The following DGKI variants were observed in gnomAD, a reference collection of about 807,000 sequenced individuals.
The protein encoded by DGKI is diacylglycerol kinase iota.
A neutral mutation model predicts 147.5 loss-of-function variants in DGKI; 55 were observed. The observed-to-expected ratio is 0.37, with a 90% CI of 0.30 to 0.47. The LOEUF (loss-of-function observed/expected upper bound fraction) is 0.47, where lower values mean the gene tolerates loss of function less well. DGKI is among the 20% of genes least tolerant of loss of function. DGKI has a pLI of 1.00. For synonymous variants in DGKI, 469 were observed against 477.1 expected (o/e 0.98, Z 0.22); for missense variants, 1,007 against 1,323.8 (o/e 0.76, Z 3.71).
intron 21 of DGKI, among the ~76,000 whole-genome samples, chr7:137,512,042 G>A (rs1296694223): frequency 2.6e-5 from 4 of 152,118 alleles, no homozygotes; most frequent in Admixed American, 2.6e-4. Flanking sequence ...TCCGTCTTGG[G>A]AAATCCTCAA....
chr7:137,779,149 T>G (rs1796445660), intron 1 of DGKI, among the ~76,000 whole-genome samples: 3 of 152,072 alleles, frequency 2.0e-5, no homozygotes, highest in Admixed American at 2.0e-4. Context: ...AAAAATAGAT[T>G]AACAGAACAG....
At chr7:137,578,165 T>C in intron 16 of DGKI, 105 bp downstream of exon 16, 1 of 725,050 alleles carries the variant, frequency 1.4e-6, no homozygotes, top group South Asian at 1.7e-5. Flanking sequence ...CATATATAAA[T>C]GAGATGTATA....
intron 20 of DGKI, among the ~76,000 whole-genome samples, chr7:137,536,761 C>G (rs1473979250): frequency 6.6e-6 from 1 of 152,090 alleles, no homozygotes; most frequent in Non-Finnish European, 1.5e-5. Flanking sequence ...AGAGGGGTTG[C>G]AGAATAAGGA....
rs761012573 is a variant in DGKI at position 137,689,951 on chromosome 7, G to A, written c.453C>T (p.Leu151=). Residue 151 remains leucine, a synonymous_variant, in exon 2 of 33, where the codon CTC becomes CTT. Transcript: ENST00000614521. ...CTGGACCATTTGCCACAGGAAGGCTGAGGGGATGTGCAGGAGCCAGATGCT... is the reference window on the plus strand; with the variant it reads ...CTGGACCATTTGCCACAGGAAGGCTAAGGGGATGTGCAGGAGCCAGATGCT... ...GLQHLAPAHP[L]SLPVANGPAK... The A allele has an allele frequency of 1.9e-6, 3 of 1,610,244 alleles. No homozygotes were observed. Among genetic ancestry groups the A allele is most frequent in the African/African-American group, 1.3e-5 (1 of 74,738 alleles).
At chr7:137,596,523 T>C (rs747794771) in intron 12 of DGKI, among the ~76,000 whole-genome samples, 1 of 152,264 alleles carries the variant, frequency 6.6e-6, no homozygotes, top group South Asian at 2.1e-4. Context: ...CTAAAATCAA[T>C]TGAAATTGGT....
chr7:137,655,557 T>G (rs1163978174), intron 4 of DGKI, among the ~76,000 whole-genome samples: 1 of 152,188 alleles, frequency 6.6e-6, no homozygotes, highest in Non-Finnish European at 1.5e-5. Flanking sequence ...GGAGGTCTCC[T>G]AGTAGGCACA....
At chr7:137,612,310 C>G (rs1401493194) in intron 8 of DGKI, among the ~76,000 whole-genome samples, 3 of 145,282 alleles carry the variant, frequency 2.1e-5, no homozygotes, top group Non-Finnish European at 4.5e-5. Flanking sequence ...AGGCCTTCTT[C>G]ACTTCACAGA....
chr7:137,422,159 C>T (rs1021154624), intron 28 of DGKI, among the ~76,000 whole-genome samples: 1 of 152,116 alleles, frequency 6.6e-6, no homozygotes, highest in African/African-American at 2.4e-5. Context: ...AAGCAAACTT[C>T]GTGGGTGAAT....
At chr7:137,597,102 A>G (rs545244664) in intron 12 of DGKI, among the ~76,000 whole-genome samples, 64 of 152,348 alleles carry the variant, frequency 4.2e-4, no homozygotes, top group Admixed American at 1.2e-3. Context: ...ATTAACCTTC[A>G]GCCCAATTCC....
At chr7:137,408,769 A>ATGG (rs1812056839) in intron 29 of DGKI, among the ~76,000 whole-genome samples, 1 of 152,228 alleles carries the variant, frequency 6.6e-6, no homozygotes, top group Admixed American at 6.5e-5. Context: ...ACATGAGGAT[A>ATGG]TGGTCTAAGT....
chr7:137,558,411 C>A (rs2077174740), intron 19 of DGKI, among the ~76,000 whole-genome samples: 1 of 152,160 alleles, frequency 6.6e-6, no homozygotes, highest in African/African-American at 2.4e-5. Flanking sequence ...GTAGCTGGGA[C>A]TACAGGTGCA....
At chr7:137,681,449 T>A (rs1823233694) in intron 2 of DGKI, among the ~76,000 whole-genome samples, 1 of 152,206 alleles carries the variant, frequency 6.6e-6, no homozygotes, top group Non-Finnish European at 1.5e-5. Flanking sequence ...CCTGAAGACA[T>A]CAATCCACAC....
In DGKI at chr7:137,466,948, G is replaced by A; in HGVS notation, c.2444-6C>T. Reference sequence around the variant, plus strand: ...AAAGCGATCAGCAGAAGTTGCTAGGGGAAAAAAAATGCAGATGGCATTCAG... The same window carrying A: ...AAAGCGATCAGCAGAAGTTGCTAGGAGAAAAAAAATGCAGATGGCATTCAG... On this transcript the variant is annotated splice_region_variant and splice_polypyrimidine_tract_variant and intron_variant, in intron 24 of 32. Coordinates refer to ENST00000614521, the MANE Select transcript of DGKI (RefSeq NM_001321708.2). The A allele has an allele frequency of 6.2e-7, 1 of 1,613,672 alleles. No individual in the cohort carries two copies. The highest frequency in any genetic ancestry group is 8.5e-7 in the Non-Finnish European group (1 of 1,179,814).
intron 1 of DGKI, among the ~76,000 whole-genome samples, chr7:137,756,926 CCTT>C (rs1795703267): frequency 6.6e-6 from 1 of 152,168 alleles, no homozygotes; most frequent in Admixed American, 6.5e-5. Context: ...TATTTATCTG[CCTT>C]CTTCTCTCAA....
intron 1 of DGKI, among the ~76,000 whole-genome samples, chr7:137,815,082 A>C (rs1797700759): frequency 6.6e-6 from 1 of 152,128 alleles, no homozygotes; most frequent in African/African-American, 2.4e-5. Context: ...AAAACTAAAT[A>C]ATATTGACCT....
In DGKI at chr7:137,385,664, T is replaced by C. The variant is rs993842174; in HGVS notation, c.*5556A>G. On this transcript the variant is annotated 3_prime_UTR_variant, in exon 33 of 33. Transcript: ENST00000614521. ...GTCTTAGCTTTCATTTTAATAGTGTTTCTAAGTCTTGTTTTAAAATCTTAG... is the reference window on the plus strand; with the variant it reads ...GTCTTAGCTTTCATTTTAATAGTGTCTCTAAGTCTTGTTTTAAAATCTTAG... The C allele has an allele frequency of 6.6e-6, 1 of 152,190 alleles. No individual in the cohort carries two copies. Among genetic ancestry groups the C allele is most frequent in the African/African-American group, 2.4e-5 (1 of 41,466 alleles). 9.4% of individuals were successfully genotyped at this position (152,190 alleles called of 1,614,324 possible).
At chr7:137,597,433 T>A (rs112312238) in intron 12 of DGKI, among the ~76,000 whole-genome samples, 8 of 152,168 alleles carry the variant, frequency 5.3e-5, no homozygotes, top group African/African-American at 1.9e-4. Context: ...CTCAATATTC[T>A]GAGTTTTATT....
intron 20 of DGKI, among the ~76,000 whole-genome samples, chr7:137,535,507 T>A (rs1817487445): frequency 6.6e-6 from 1 of 152,052 alleles, no homozygotes; most frequent in Admixed American, 6.6e-5. Context: ...CTGGCACATG[T>A]ACTACCCCCA....
chr7:137,689,597 A>G (rs1425967650), intron 2 of DGKI, among the ~76,000 whole-genome samples: 14 of 152,262 alleles, frequency 9.2e-5, no homozygotes, highest in Non-Finnish European at 1.2e-4. Flanking sequence ...TTCATCGTCA[A>G]CTTGGCAGAA....
Sources: gnomAD v4.1 joint callset for allele counts (sites outside exome capture counted in the v4.1 genomes callset) on GRCh38, gnomAD v4.1.1 for gene constraint, MANE v1.5 for transcripts, NCBI Gene and HGNC (gene_info 2026-07-23, HGNC 2026-07-21) for gene names.